The following RBM19 variants were observed in gnomAD, a reference collection of about 807,000 sequenced individuals.
RBM19 encodes the protein probable RNA-binding protein 19.
Under a neutral mutation model 116.8 loss-of-function variants are expected in RBM19, and 94 were observed. The ratio of observed to expected loss-of-function variants is 0.80; its 90% confidence interval spans 0.68 to 0.95. The LOEUF (loss-of-function observed/expected upper bound fraction) is 0.95, where lower values mean the gene tolerates loss of function less well. Ranked by LOEUF, RBM19 falls within the 40% of genes least tolerant of loss-of-function variation. The pLI is 0.00. For synonymous variants in RBM19, 475 were observed against 494.1 expected, an observed-to-expected ratio of 0.96 and a Z score of 0.51; for missense variants, 1,161 against 1,220.7, an observed-to-expected ratio of 0.95 and a Z score of 0.73.
chr12:113,850,283 C>T (rs552473607), intron 22 of RBM19, among the ~76,000 whole-genome samples: 1 of 152,284 alleles, frequency 6.6e-6, no homozygotes, highest in African/African-American at 2.4e-5. Context: ...TGCCTTGGCC[C>T]TACTCAGAAT....
At chr12:113,916,415 A>G (rs962448611) in intron 20 of RBM19, among the ~76,000 whole-genome samples, 2 of 152,226 alleles carry the variant, frequency 1.3e-5, no homozygotes, top group East Asian at 1.9e-4. Context: ...TCAAAAAAAT[A>G]GAAGCAGCAA....
At chr12:113,843,733 C>T (rs1323470230) in intron 23 of RBM19, among the ~76,000 whole-genome samples, 2 of 152,230 alleles carry the variant, frequency 1.3e-5, no homozygotes, top group African/African-American at 4.8e-5. Context: ...ACCTGCCATA[C>T]TTTCCATGTG....
chr12:113,915,108 T>C, intron 20 of RBM19, 23 bp from the exon 21 acceptor site: 1 of 1,585,094 alleles, frequency 6.3e-7, no homozygotes, highest in East Asian at 2.2e-5. Flanking sequence ...GGGGAGAGGG[T>C]CCAAGTTATT....
chr12:113,962,451 A>G, intron 1 of RBM19, 37 bp from the exon 2 acceptor site: 1 of 1,584,052 alleles, frequency 6.3e-7, no homozygotes, highest in Non-Finnish European at 8.7e-7. Context: ...ACGAACTGGA[A>G]AGTCCCCAGA....
At chr12:113,918,665 C>T (rs12229499) in intron 19 of RBM19, among the ~76,000 whole-genome samples, 12,594 of 152,260 alleles carry the variant, frequency 0.083, 654 homozygotes, top group East Asian at 0.17. Flanking sequence ...AGCCCTTGGA[C>T]GCTCTCTTAA....
chr12:113,958,908 C>T (rs1872222077), intron 5 of RBM19, among the ~76,000 whole-genome samples: 1 of 152,232 alleles, frequency 6.6e-6, no homozygotes, highest in African/African-American at 2.4e-5. Flanking sequence ...TTTCTCTCCA[C>T]AACCATAATC....
At chr12:113,914,897 C>T in intron 21 of RBM19, 72 bp downstream of exon 21, 1 of 1,344,748 alleles carries the variant, frequency 7.4e-7, no homozygotes. Context: ...GACCCAAAGG[C>T]CATCTTCCCT....
intron 23 of RBM19, among the ~76,000 whole-genome samples, chr12:113,837,771 C>T (rs1398038411): frequency 6.6e-6 from 1 of 152,244 alleles, no homozygotes; most frequent in African/African-American, 2.4e-5. Context: ...CTTGCCCTCT[C>T]TGTGCCTTAG....
intron 22 of RBM19, among the ~76,000 whole-genome samples, chr12:113,858,427 A>G (rs377425830): frequency 8.5e-5 from 13 of 152,248 alleles, no homozygotes; most frequent in African/African-American, 3.1e-4. Flanking sequence ...CCCTCTCTGC[A>G]CTGTTCTGCG....
At position 113,952,499 on chromosome 12, in the gene RBM19, TCCTGGATCTTA is replaced by T. The variant is rs1248931044; in HGVS notation, c.1000+2_1000+12del. ...CTACCCGCCTTCCCACCTGGAAACA[TCCTGGATCTTA>T]CCTGTTTTATTCCCATGAGCGTTTC... is the stretch of plus-strand genomic sequence containing the variant. On this transcript the variant is annotated splice_donor_variant and splice_donor_5th_base_variant and intron_variant, in intron 8 of 23. Transcript: ENST00000261741. LOFTEE classifies it high-confidence loss of function. 1 of 1,609,324 alleles carries T rather than the reference TCCTGGATCTTA, an allele frequency of 6.2e-7. No individual in the cohort carries two copies. Among genetic ancestry groups the T allele is most frequent in the Non-Finnish European group, 8.5e-7 (1 of 1,175,914 alleles).
intron 14 of RBM19, among the ~76,000 whole-genome samples, chr12:113,941,237 C>A (rs768977391): frequency 1.3e-5 from 2 of 152,154 alleles, no homozygotes; most frequent in Non-Finnish European, 2.9e-5. Context: ...GGAGTGAAAA[C>A]CATCTGCAGG....
At chr12:113,963,698 C>G (rs150245186) in intron 1 of RBM19, among the ~76,000 whole-genome samples, 20 of 152,336 alleles carry the variant, frequency 1.3e-4, no homozygotes, top group African/African-American at 4.6e-4. Context: ...TGGCTCAAGT[C>G]TGAATCCATC....
At chr12:113,850,703 G>A (rs1181064936) in intron 22 of RBM19, among the ~76,000 whole-genome samples, 1 of 152,240 alleles carries the variant, frequency 6.6e-6, no homozygotes, top group Non-Finnish European at 1.5e-5. Flanking sequence ...CCAGGGCCAC[G>A]GCTTCTGGGC....
intron 21 of RBM19, among the ~76,000 whole-genome samples, chr12:113,880,191 A>C (rs1157709699): frequency 4.6e-5 from 7 of 152,098 alleles, no homozygotes; most frequent in Non-Finnish European, 1.0e-4. Flanking sequence ...CCAAAAAAAC[A>C]AAACAAAACA....
chr12:113,942,550 C>T lies in RBM19; in HGVS notation c.1627-116G>A, dbSNP rs185864443. 162 of 763,504 alleles carry T rather than the reference C, an allele frequency of 2.1e-4. No homozygotes were observed. In the African/African-American group the frequency reaches 2.1e-3, roughly 10 times the overall value. The allele number at this position is 763,504 out of a possible 1,614,324, so 47.3% of individuals were successfully genotyped here. On this transcript the variant is annotated intron_variant, in intron 13 of 23. Transcript: ENST00000261741. ...GGATGGAAATGGATTCCACGGATGC[C>T]GCTCACCTTCCTACATTGATCAGAT...
chr12:113,825,718 C>T lies in RBM19; in HGVS notation c.2786-2397G>A, dbSNP rs1159672573. Among the ~76,000 whole-genome samples the T allele has an allele frequency of 1.3e-5, 2 of 149,756 alleles. No individual in the cohort carries two copies. Among genetic ancestry groups the T allele is most frequent in the African/African-American group, 5.1e-5 (2 of 39,138 alleles). On this transcript the variant is annotated intron_variant, in intron 23 of 23. Coordinates refer to ENST00000261741, the MANE Select transcript of RBM19 (RefSeq NM_016196.4). The surrounding 1 kb of genome is among the most constrained non-coding windows in gnomAD (Gnocchi z 5.7). ...GGGACTGGCGAGGGGCGAGTTCTAGCCCCATCCATTGTGTCGGCTCAACCT... is the reference window on the plus strand; with the variant it reads ...GGGACTGGCGAGGGGCGAGTTCTAGTCCCATCCATTGTGTCGGCTCAACCT...
intron 16 of RBM19, among the ~76,000 whole-genome samples, chr12:113,927,664 T>A (rs1401719834): frequency 1.3e-5 from 2 of 151,450 alleles, no homozygotes; most frequent in Non-Finnish European, 2.9e-5. Context: ...TTAAAACTTT[T>A]AAAAAATTAC....
At chr12:113,960,275 G>T in intron 2 of RBM19, 97 bp from the exon 3 acceptor site, 1 of 1,536,004 alleles carries the variant, frequency 6.5e-7, no homozygotes, top group Non-Finnish European at 8.9e-7. Context: ...TCAGACAACT[G>T]TCACTGCCTA....
At chr12:113,821,427 C>T (rs1411714044), downstream of RBM19, among the ~76,000 whole-genome samples, 6 of 152,144 alleles carry the variant, frequency 3.9e-5, no homozygotes, top group Admixed American at 2.6e-4. Flanking sequence ...GAACAGGACA[C>T]GATCCAGCTC....
Sources: allele counts gnomAD v4.1 joint callset (sites outside exome capture counted in the v4.1 genomes callset), GRCh38; gene constraint gnomAD v4.1.1; non-coding constraint Gnocchi (gnomAD v3.1); transcripts MANE v1.5; gene names NCBI Gene and HGNC (gene_info 2026-07-23, HGNC 2026-07-21).